The following LMLN variants were observed in gnomAD, a reference collection of about 807,000 sequenced individuals.
LMLN encodes the protein leishmanolysin like peptidase.
LMLN carries 70 observed loss-of-function variants against 92.3 expected under a neutral mutation model. That is an observed-to-expected ratio of 0.76 (90% CI 0.63 to 0.92). The LOEUF (loss-of-function observed/expected upper bound fraction) is 0.92, where lower values mean the gene tolerates loss of function less well. Among genes scored for constraint, LMLN ranks in the 40% least tolerant of loss-of-function variants. LMLN has a pLI of 0.00. For missense variants in LMLN, 691 were observed against 814.6 expected (o/e 0.85, Z 1.85); for synonymous variants, 308 against 296.2 (o/e 1.04, Z -0.41).
Position 198,019,386 on chromosome 3 carries a change from G to A in LMLN, c.1365+1G>A. On this transcript the variant is annotated splice_donor_variant, in intron 12 of 15. Coordinates refer to ENST00000330198, the Ensembl canonical transcript of LMLN. LOFTEE classifies it high-confidence loss of function. This position sits in a 1 kb window ranked among gnomAD's most constrained non-coding sequence, Gnocchi z 5.5. ...TAAGCCTTTACCACAGGAATACCAG[G>A]TAGAACAGGGCTGGGGCACAGTTTC... 6.2e-7 allele frequency: 1 copy of A among 1,612,756 alleles called. No individual in the cohort carries two copies. Among genetic ancestry groups the A allele is most frequent in the Non-Finnish European group, 8.5e-7 (1 of 1,179,696 alleles).
chr3:197,966,917 C>T (rs1007662912), intron 1 of LMLN, among the ~76,000 whole-genome samples: 8 of 152,060 alleles, frequency 5.3e-5, no homozygotes, highest in African/African-American at 1.9e-4. Context: ...CCTCAGCCTC[C>T]CAGTTAGCTA....
intron 1 of LMLN, among the ~76,000 whole-genome samples, chr3:197,963,277 C>G (rs1245661818): frequency 6.6e-6 from 1 of 150,878 alleles, no homozygotes; most frequent in Admixed American, 6.6e-5. Context: ...AATCATAGCT[C>G]ACAGCAGGCT....
At chr3:198,024,197 A>T (rs1722856913) in intron 13 of LMLN, among the ~76,000 whole-genome samples, 1 of 150,552 alleles carries the variant, frequency 6.6e-6, no homozygotes, top group Non-Finnish European at 1.5e-5. Flanking sequence ...GTGAGTTTGG[A>T]ACCCTGTGGA....
intron 9 of LMLN, among the ~76,000 whole-genome samples, chr3:197,991,468 T>C (rs980559561): frequency 6.6e-6 from 1 of 152,088 alleles, no homozygotes; most frequent in Non-Finnish European, 1.5e-5. Flanking sequence ...TCAAATCCGA[T>C]GGGATAGGCC....
Position 198,019,977 on chromosome 3 carries a change from C to T in LMLN, c.1365+592C>T, listed in dbSNP as rs950600569. On this transcript the variant is annotated intron_variant, in intron 12 of 15. Transcript: ENST00000330198. This position sits in a 1 kb window ranked among gnomAD's most constrained non-coding sequence, Gnocchi z 5.5. ...CCAGATTCAAGCGATTCTTGTGCCT[C>T]AGCCTCCCGAGTAGCTGGGTTTACA... Among the ~76,000 whole-genome samples, 24 of 152,208 alleles carry T rather than the reference C, an allele frequency of 1.6e-4. 1 individual carries two copies. The highest frequency in any genetic ancestry group is 1.6e-3 in the Admixed American group (24 of 15,286).
At chr3:198,023,541 C>A (rs1722838731) in intron 13 of LMLN, among the ~76,000 whole-genome samples, 1 of 152,140 alleles carries the variant, frequency 6.6e-6, no homozygotes, top group Non-Finnish European at 1.5e-5. Flanking sequence ...CTCTGATACT[C>A]AAAAGAAGTA....
intron 4 of LMLN, chr3:197,976,337 G>A: frequency 4.2e-6 from 2 of 481,264 alleles, no homozygotes; most frequent in Non-Finnish European, 7.4e-6. Flanking sequence ...TCTGGGTGTA[G>A]TTGTCCCCTG....
intron 5 of LMLN, among the ~76,000 whole-genome samples, chr3:197,979,438 T>C (rs1411037347): frequency 1.3e-5 from 2 of 152,154 alleles, no homozygotes; most frequent in Non-Finnish European, 2.9e-5. Context: ...CCCTGCACTT[T>C]GGGAGGCCAA....
In LMLN at chr3:197,992,077, G is replaced by A. The variant is rs1311115671; in HGVS notation, c.1047+1401G>A. 4.5e-5 allele frequency among the ~76,000 whole-genome samples: 6 copies of A among 134,622 alleles called. 1 individual carries two copies. Among genetic ancestry groups the A allele is most frequent in the Admixed American group, 3.8e-4 (5 of 13,208 alleles). 88.3% of individuals were successfully genotyped at this position (134,622 alleles called of 152,430 possible). On this transcript the variant is annotated intron_variant, in intron 9 of 15. Transcript: ENST00000330198. ...GGGGTTTCACCATGTTGGTCAGGGTGAGACCCTGTCTCAAAAAAAAAAAAA... is the reference window on the plus strand; with the variant it reads ...GGGGTTTCACCATGTTGGTCAGGGTAAGACCCTGTCTCAAAAAAAAAAAAA...
chr3:197,976,749 C>T, intron 5 of LMLN, 34 bp downstream of exon 5: 3 of 1,088,856 alleles, frequency 2.8e-6, no homozygotes, highest in Non-Finnish European at 3.9e-6. Flanking sequence ...TGCTTTTACA[C>T]CTGAGGAGAT....
intron 15 of LMLN, 134 bp downstream of exon 16, chr3:198,036,177 G>A (rs1723230113): frequency 1.3e-6 from 1 of 750,180 alleles, no homozygotes; most frequent in Non-Finnish European, 2.2e-6. Flanking sequence ...CATTTTTATG[G>A]GAAGTTCCTC....
At position 198,042,827 on chromosome 3, in the gene LMLN, C is replaced by T. The variant is rs1723445210; in HGVS notation, c.*4160C>T. 2 of 152,256 alleles carry T rather than the reference C, an allele frequency of 1.3e-5. No homozygotes were observed. Among genetic ancestry groups the T allele is most frequent in the Admixed American group, 1.3e-4 (2 of 15,290 alleles). 9.4% of individuals were successfully genotyped at this position (152,256 alleles called of 1,614,324 possible). On this transcript the variant is annotated 3_prime_UTR_variant, in exon 16 of 16. Transcript: ENST00000330198. This position sits in a 1 kb window ranked among gnomAD's most constrained non-coding sequence, Gnocchi z 4.2. ...AAGGAAGCAAAAGCCATGTCAGTAG[C>T]CTTGAGCTGACAGCTTTAAAGAAAC...
At chr3:198,003,295 T>C (rs1446609390) in intron 11 of LMLN, among the ~76,000 whole-genome samples, 170 bp downstream of exon 12, 9 of 152,214 alleles carry the variant, frequency 5.9e-5, no homozygotes, top group Non-Finnish European at 1.3e-4. Context: ...AGAAGTTAGC[T>C]GTAAGTAGTT....
At chr3:197,980,335 G>C in exon 6 of LMLN, 1 of 1,613,132 alleles carries the variant, frequency 6.2e-7, no homozygotes, top group South Asian at 1.1e-5. Context: ...GCAATGCCGG[G>C]TCTACCGTGG....
intron 11 of LMLN, among the ~76,000 whole-genome samples, chr3:198,009,850 T>C (rs2109915236): frequency 6.6e-6 from 1 of 152,298 alleles, no homozygotes; most frequent in Admixed American, 6.5e-5. Context: ...ATACTAGGTG[T>C]ATATATTAAT....
At chr3:197,987,007 T>G (rs1422650299) in intron 8 of LMLN, among the ~76,000 whole-genome samples, 1 of 148,440 alleles carries the variant, frequency 6.7e-6, no homozygotes, top group African/African-American at 2.5e-5. Flanking sequence ...GCCCGGCTAA[T>G]TTTTGTATTT....
At position 198,025,218 on chromosome 3, in the gene LMLN, T is replaced by C. The variant is rs1248540522; in HGVS notation, c.1656+430T>C. On this transcript the variant is annotated intron_variant, in intron 14 of 15. Transcript: ENST00000330198. This position sits in a 1 kb window ranked among gnomAD's most constrained non-coding sequence, Gnocchi z 4.3. ...TGGGAGGCTGAGCCAGGAGGATTGC[T>C]TGAGCCCAGGATTCGAGACCATCCT... Among the ~76,000 whole-genome samples, 4 of 152,140 alleles carry C rather than the reference T, an allele frequency of 2.6e-5. No homozygotes were observed. The highest frequency in any genetic ancestry group is 4.4e-5 in the Non-Finnish European group (3 of 68,014).
Position 198,037,580 on chromosome 3 carries a change from G to A in LMLN, c.1868-987G>A, listed in dbSNP as rs56314525. ...CAGGAGAATCACTTGAACCCGGGAG[G>A]CGGAGCCAAGATCACACCACTGCAC... On this transcript the variant is annotated intron_variant, in intron 15 of 15. Transcript: ENST00000330198. Among the ~76,000 whole-genome samples the A allele has an allele frequency of 5.4e-3, 820 of 152,256 alleles. 2 individuals carry two copies. Among genetic ancestry groups the A allele is most frequent in the Non-Finnish European group, 9.4e-3 (638 of 68,008 alleles).
Position 198,012,551 on chromosome 3 carries a change from C to T in LMLN, c.1233-6702C>T, listed in dbSNP as rs1463082709. On this transcript the variant is annotated intron_variant, in intron 11 of 15. Coordinates refer to ENST00000330198, the Ensembl canonical transcript of LMLN. ...TGACTTCTCTCCACCCTTCAGAGCC[C>T]CCTAACTAGTCTGACTTCTCTGTAC... Among the ~76,000 whole-genome samples the T allele has an allele frequency of 2.0e-5, 3 of 152,056 alleles. No homozygotes were observed. In the East Asian group the frequency reaches 5.8e-4, roughly 29 times the overall value.
Sources: allele counts gnomAD v4.1 joint callset (sites outside exome capture counted in the v4.1 genomes callset), GRCh38; gene constraint gnomAD v4.1.1; non-coding constraint Gnocchi (gnomAD v3.1); transcripts MANE v1.5; gene names NCBI Gene and HGNC (gene_info 2026-07-23, HGNC 2026-07-21).